REPS2: variants seen among roughly 807,000 people sequenced by gnomAD.
REPS2 encodes the protein ralBP1-associated Eps domain-containing protein 2.
In REPS2, 23 loss-of-function variants were observed where a neutral mutation model predicts 53.6. The observed-to-expected ratio is 0.43, with a 90% CI of 0.31 to 0.61. The LOEUF (loss-of-function observed/expected upper bound fraction) is 0.61. Ranked by LOEUF, REPS2 falls within the 20% of genes least tolerant of loss-of-function variation. REPS2 has a pLI of 0.11. For missense variants in REPS2, 446 were observed against 534.9 expected (o/e 0.83, Z 1.64); for synonymous variants, 238 against 218.6 (o/e 1.09, Z -0.78).
chrX:16,978,066 A>C (rs1451081820), intron 1 of REPS2, among the ~76,000 whole-genome samples: 1 of 111,847 alleles, frequency 8.9e-6, no homozygotes, highest in Non-Finnish European at 1.9e-5. Flanking sequence ...TACTCTTCTT[A>C]CAGAGTAGGG....
chrX:17,031,722 T>G lies in REPS2; in HGVS notation c.771+2099T>G, dbSNP rs774462983. Among the ~76,000 whole-genome samples, 8 of 111,124 alleles carry G rather than the reference T, an allele frequency of 7.2e-5. 1 individual carries two copies. In the East Asian group the frequency reaches 2.3e-3, roughly 32 times the overall value. On this transcript the variant is annotated intron_variant, in intron 5 of 17. Transcript: ENST00000357277. Reference sequence around the variant, plus strand: ...AAGGCTTCTGGTGGGGGAGCAACATTCGAGTTGGAATAAGGGTACATGGGT... The same window carrying G: ...AAGGCTTCTGGTGGGGGAGCAACATGCGAGTTGGAATAAGGGTACATGGGT...
rs542070502 is a variant in REPS2 at position 17,031,514 on chromosome X, A to G, written c.771+1891A>G. Among the ~76,000 whole-genome samples, 6 of 112,531 alleles carry G rather than the reference A, an allele frequency of 5.3e-5. No individual in the cohort carries two copies. In the South Asian group the frequency reaches 2.2e-3, roughly 42 times the overall value. Reference sequence around the variant, plus strand: ...CAGGCACTGTGTTGAGAATACAAAAATGAGGTATAACACTAACAGTTTCTG... The same window carrying G: ...CAGGCACTGTGTTGAGAATACAAAAGTGAGGTATAACACTAACAGTTTCTG... On this transcript the variant is annotated intron_variant, in intron 5 of 17. Transcript: ENST00000357277.
At chrX:17,057,140 T>C (rs2062082532) in intron 8 of REPS2, among the ~76,000 whole-genome samples, 1 of 112,130 alleles carries the variant, frequency 8.9e-6, no homozygotes, top group Non-Finnish European at 1.9e-5. Flanking sequence ...TCATGGGTGA[T>C]TATTAGCAAG....
At chrX:16,994,307 GTATATGTGTGTA>G (rs1398321225) in intron 1 of REPS2, among the ~76,000 whole-genome samples, 2 of 110,170 alleles carry the variant, frequency 1.8e-5, no homozygotes, top group East Asian at 2.8e-4. Flanking sequence ...GTGTGTGTAT[GTATATGTGTGTA>G]TATATGTGTG....
At chrX:17,052,669 T>C (rs2062019433) in intron 7 of REPS2, among the ~76,000 whole-genome samples, 1 of 112,459 alleles carries the variant, frequency 8.9e-6, no homozygotes, top group South Asian at 3.6e-4. Context: ...TTAACTATTA[T>C]TTTAAAGTAA....
chrX:17,139,032 A>G (rs2063410227), intron 17 of REPS2, 71 bp downstream of exon 17: 9 of 601,579 alleles, frequency 1.5e-5, no homozygotes, highest in Non-Finnish European at 2.1e-5. Context: ...TTTTAATTTA[A>G]TAGGCATATA....
intron 16 of REPS2, chrX:17,137,358 C>T (rs2063385244): frequency 9.0e-6 from 1 of 111,703 alleles, no homozygotes; most frequent in African/African-American, 3.3e-5. Flanking sequence ...TTTTGATTTG[C>T]ATTTCTTTTG....
At chrX:16,963,142 A>G (rs1488175014) in intron 1 of REPS2, among the ~76,000 whole-genome samples, 1 of 111,669 alleles carries the variant, frequency 9.0e-6, no homozygotes, top group Non-Finnish European at 1.9e-5. Context: ...GTGTATATGT[A>G]TACGTTCAGG....
chrX:17,144,308 C>T (rs2063484796), intron 17 of REPS2, among the ~76,000 whole-genome samples: 1 of 113,014 alleles, frequency 8.8e-6, no homozygotes, highest in East Asian at 2.8e-4. Flanking sequence ...AGAAATAAAC[C>T]TTCAGCATTC....
chrX:17,194,946 A>C, the REPS2 span, among the ~76,000 whole-genome samples: 1 of 112,195 alleles, frequency 8.9e-6, no homozygotes, highest in African/African-American at 3.2e-5. Flanking sequence ...GTAACATGGC[A>C]TGGATTATAA....
At chrX:17,032,708 G>T (rs1256908139) in intron 5 of REPS2, among the ~76,000 whole-genome samples, 2 of 112,013 alleles carry the variant, frequency 1.8e-5, no homozygotes, top group Non-Finnish European at 3.8e-5. Context: ...CTTCCTGCCT[G>T]ATTACAAGGG....
At chrX:17,036,447 A>G (rs1235343613) in intron 5 of REPS2, among the ~76,000 whole-genome samples, 1 of 111,934 alleles carries the variant, frequency 8.9e-6, no homozygotes, top group Non-Finnish European at 1.9e-5. Context: ...TCTTAATGGC[A>G]TGAAACCAGA....
chrX:17,159,600 G>T, the REPS2 span, among the ~76,000 whole-genome samples: 2 of 111,471 alleles, frequency 1.8e-5, no homozygotes, highest in African/African-American at 6.5e-5. Flanking sequence ...TTGCTTCTCT[G>T]TGCCTCACTC....
intron 14 of REPS2, among the ~76,000 whole-genome samples, chrX:17,108,619 A>G (rs925693477): frequency 1.8e-5 from 2 of 111,770 alleles, no homozygotes; most frequent in Admixed American, 1.9e-4. Context: ...ATAATAAAGA[A>G]AAGATTTTGG....
chrX:17,089,169 C>A (rs1239443595), intron 13 of REPS2, among the ~76,000 whole-genome samples: 1 of 110,361 alleles, frequency 9.1e-6, no homozygotes, highest in Non-Finnish European at 1.9e-5. Flanking sequence ...GGAGCTTTTG[C>A]CCTCATAGAT....
intron 1 of REPS2, among the ~76,000 whole-genome samples, chrX:16,957,816 G>A (rs1364809126): frequency 9.0e-6 from 1 of 111,434 alleles, no homozygotes; most frequent in Admixed American, 9.6e-5. Context: ...ATTCTTTGTT[G>A]TGGAGGACTG....
chrX:17,154,475 T>A (rs1308873758), downstream of REPS2, among the ~76,000 whole-genome samples: 1 of 111,949 alleles, frequency 8.9e-6, no homozygotes, highest in Admixed American at 9.5e-5. Flanking sequence ...TGCTATGTTG[T>A]ATAAGGGTAG....
chrX:17,041,648 T>C (rs779537811), intron 5 of REPS2, among the ~76,000 whole-genome samples: 57 of 112,076 alleles, frequency 5.1e-4, no homozygotes, highest in African/African-American at 1.5e-3. Context: ...GTATGAGCTT[T>C]TGCTACTCCA....
At chrX:16,974,703 T>G (rs1237445835) in intron 1 of REPS2, among the ~76,000 whole-genome samples, 1 of 111,064 alleles carries the variant, frequency 9.0e-6, no homozygotes, top group Non-Finnish European at 1.9e-5. Flanking sequence ...CTTGTTTAGA[T>G]TGAGATTATG....
Sources: allele counts gnomAD v4.1 joint callset (sites outside exome capture counted in the v4.1 genomes callset), GRCh38; gene constraint gnomAD v4.1.1; transcripts MANE v1.5; gene names NCBI Gene and HGNC (gene_info 2026-07-23, HGNC 2026-07-21).